The following IQSEC3 variants were observed in gnomAD, a reference collection of about 807,000 sequenced individuals.
The protein encoded by IQSEC3 is IQ motif and SEC7 domain-containing protein 3.
In IQSEC3, 50 loss-of-function variants were observed where a neutral mutation model predicts 105.4. That is an observed-to-expected ratio of 0.47 (90% CI 0.38 to 0.60). IQSEC3 has a LOEUF of 0.60. Ranked by LOEUF, IQSEC3 falls within the 20% of genes least tolerant of loss-of-function variation. IQSEC3 has a pLI of 0.00. For missense variants in IQSEC3, 1,415 were observed against 1,630.0 expected (o/e 0.87, Z 2.27); for synonymous variants, 708 against 746.0 (o/e 0.95, Z 0.83).
Position 138,876 on chromosome 12 carries a change from C to A in IQSEC3, c.1513C>A (p.Leu505Met). 6.2e-7 allele frequency: 1 copy of A among 1,611,868 alleles called. No homozygotes were observed. The highest frequency in any genetic ancestry group is 1.1e-5 in the South Asian group (1 of 90,672). The change falls in exon 4 of 14, where the codon CTG (leucine) becomes ATG (methionine). Residue 505 changes from leucine to methionine, a missense_variant. Around this residue, in one of 6 missense-constraint regions of IQSEC3, gnomAD observed 720 missense variants for 633.0 expected, o/e 1.14. Transcript: ENST00000538872. The surrounding 1 kb of genome is among the most constrained non-coding windows in gnomAD (Gnocchi z 7.1). The part of the protein sequence containing the change: ...QNISVSSSTA[L>M]SVANCLGAQT... ...CATATCCGTCTCCTCCTCCACGGCT[C>A]TGTCGGTGGCCAACTGCCTGGGCGC...
At chr12:73,306 C>T in intron 1 of IQSEC3, among the ~76,000 whole-genome samples, 1 of 152,348 alleles carries the variant, frequency 6.6e-6, no homozygotes, top group South Asian at 2.1e-4. Context: ...TGTTTTTCCA[C>T]TTATAAAATG....
chr12:139,672 G>A (rs1440612930), intron 4 of IQSEC3: 3 of 288,476 alleles, frequency 1.0e-5, no homozygotes, highest in African/African-American at 4.3e-5. Context: ...AGAAAAGACA[G>A]TATTAAGTAA....
intron 1 of IQSEC3, among the ~76,000 whole-genome samples, chr12:98,094 G>A (rs1229855421): frequency 1.3e-5 from 2 of 152,214 alleles, no homozygotes; most frequent in East Asian, 3.8e-4. Context: ...GATGATCTCT[G>A]GGGGCCCTTC....
intron 7 of IQSEC3, among the ~76,000 whole-genome samples, chr12:161,301 A>G (rs1258834686): frequency 2.0e-5 from 3 of 152,214 alleles, no homozygotes; most frequent in Non-Finnish European, 4.4e-5. Flanking sequence ...TCTTGTTGGC[A>G]TATTTCCTGC....
At position 163,580 on chromosome 12, in the gene IQSEC3, G is replaced by A. The variant is rs782121610; in HGVS notation, c.2670G>A (p.Ala890=). 38 of 1,592,276 alleles carry A rather than the reference G, an allele frequency of 2.4e-5. No individual in the cohort carries two copies. Among genetic ancestry groups the A allele is most frequent in the African/African-American group, 5.4e-5 (4 of 74,610 alleles). ...TGAACAAGCTGCAGAAGCAGGCAGC[G>A]CATCAGAGGGAGGTGTTCCTCTTCA... ...TDVNKLQKQA[A]HQREVFLFND... The change falls in exon 9 of 14, where the codon GCG becomes GCA. Residue 890 remains alanine, a synonymous_variant. Transcript: ENST00000538872.
chr12:143,528 T>C (rs1380153542), intron 5 of IQSEC3: 2 of 155,198 alleles, frequency 1.3e-5, no homozygotes, highest in Non-Finnish European at 2.9e-5. Flanking sequence ...GGGGCATGAT[T>C]TGTCATCCTG....
Position 125,647 on chromosome 12 carries a change from C to A in IQSEC3, c.638C>A (p.Thr213Asn). ...TCTGTTCACAGTGATGGCTCCTGCA[C>A]CCAGGCCGGTGGGGGCATGGAGGAC... is the stretch of plus-strand genomic sequence containing the variant. Reference protein sequence around the residue: ...DLASQSDGSCTQAGGGMEDSV... With the variant: ...DLASQSDGSCNQAGGGMEDSV... The change falls in exon 3 of 14, where the codon ACC becomes AAC. Residue 213 changes from threonine to asparagine, a missense_variant. This residue lies in a region of IQSEC3 where 720 missense variants were observed against 633.0 expected (regional missense o/e 1.14). Coordinates refer to ENST00000538872, the MANE Select transcript of IQSEC3 (RefSeq NM_001170738.2). The A allele has an allele frequency of 6.6e-7, 1 of 1,521,244 alleles. No homozygotes were observed. Among genetic ancestry groups the A allele is most frequent in the Non-Finnish European group, 8.7e-7 (1 of 1,146,608 alleles). The allele number at this position is 1,521,244 out of a possible 1,614,324, so 94.2% of individuals were successfully genotyped here. A position where few individuals can be genotyped will look rare whatever the true frequency, so the allele number is the denominator to read the frequency against.
chr12:166,931 A>G (rs1938683129), intron 11 of IQSEC3: 1 of 152,226 alleles, frequency 6.6e-6, no homozygotes, highest in South Asian at 2.1e-4. Flanking sequence ...CAGGTCGCGC[A>G]TGTTAGAAAC....
At chr12:157,454 C>A in intron 6 of IQSEC3, 74 bp from the exon 7 acceptor site, 1 of 1,487,298 alleles carries the variant, frequency 6.7e-7, no homozygotes, top group Admixed American at 2.0e-5. Flanking sequence ...CCCCTGGACA[C>A]CCCCTTCCTT....
intron 1 of IQSEC3, among the ~76,000 whole-genome samples, chr12:95,866 A>G (rs1026704771): frequency 6.6e-5 from 10 of 152,200 alleles, no homozygotes; most frequent in Non-Finnish European, 1.0e-4. Flanking sequence ...AGTTTATTCA[A>G]TCATTTCCTG....
chr12:76,946 CAG>C (rs751838622), intron 1 of IQSEC3, among the ~76,000 whole-genome samples: 4 of 152,258 alleles, frequency 2.6e-5, no homozygotes, highest in Non-Finnish European at 5.9e-5. Context: ...CCATCCCAGG[CAG>C]AGAGACAAGG....
chr12:73,833 C>T (rs1312377289), intron 1 of IQSEC3, among the ~76,000 whole-genome samples: 7 of 152,268 alleles, frequency 4.6e-5, no homozygotes, highest in East Asian at 3.8e-4. Flanking sequence ...TTTAGCCATT[C>T]CAGACACAGG....
chr12:169,058 C>T lies in IQSEC3; in HGVS notation c.3017C>T (p.Pro1006Leu). 1.2e-6 allele frequency: 2 copies of T among 1,614,088 alleles called. No individual in the cohort carries two copies. The highest frequency in any genetic ancestry group is 1.7e-6 in the Non-Finnish European group (2 of 1,180,030). The part of the protein sequence containing the change: ...QQGTKTLSFK[P>L]CGAQGDPQSK... ...GGAACAAAGACACTCTCCTTCAAGC[C>T]CTGCGGAGCCCAGGGGGACCCACAG... The change falls in exon 12 of 14, where the codon CCC (proline) becomes CTC (leucine). Residue 1006 changes from proline to leucine, a missense_variant. By Grantham distance (98) the Pro-to-Leu change is moderately conservative (BLOSUM62 -3). Around this residue, in one of 6 missense-constraint regions of IQSEC3, gnomAD observed 419 missense variants for 436.2 expected, o/e 0.96. Coordinates refer to ENST00000538872, the MANE Select transcript of IQSEC3 (RefSeq NM_001170738.2).
At chr12:151,374 T>TCCTCACTTC (rs1555092651) in intron 5 of IQSEC3, among the ~76,000 whole-genome samples, 1 of 152,196 alleles carries the variant, frequency 6.6e-6, no homozygotes, top group Non-Finnish European at 1.5e-5. Context: ...TGCCTCCCTT[T>TCCTCACTTC]CCTCACTTCC....
intron 1 of IQSEC3, among the ~76,000 whole-genome samples, chr12:68,821 A>G (rs1480082664): frequency 2.0e-5 from 3 of 152,264 alleles, no homozygotes; most frequent in Non-Finnish European, 4.4e-5. Context: ...AGGGTAGCTC[A>G]CAGAGCACGT....
chr12:147,686 G>A (rs1458733357), intron 5 of IQSEC3: 5 of 152,190 alleles, frequency 3.3e-5, no homozygotes, highest in African/African-American at 1.2e-4. Context: ...AGGCCCTGGG[G>A]AAAAGAAATG....
intron 3 of IQSEC3, among the ~76,000 whole-genome samples, chr12:131,206 C>T (rs1211283729): frequency 2.6e-5 from 4 of 152,214 alleles, no homozygotes; most frequent in Non-Finnish European, 4.4e-5. Context: ...GAGGCCCCCG[C>T]GCCCCTGCCG....
rs216232 is a variant in IQSEC3 at position 177,165 on chromosome 12, A to C, written c.*2132A>C. 7.9e-6 allele frequency: 1 copy of C among 126,544 alleles called. No homozygotes were observed. Among genetic ancestry groups the C allele is most frequent in the South Asian group, 2.6e-4 (1 of 3,874 alleles). 7.8% of individuals were successfully genotyped at this position (126,544 alleles called of 1,614,324 possible). A position where few individuals can be genotyped will look rare whatever the true frequency, so the allele number is the denominator to read the frequency against. ...GTCCCCTGCTCACACAGCTCTTCAA[A>C]CTTACCAAGGACAGGCAGGACCCCG... On this transcript the variant is annotated 3_prime_UTR_variant, in exon 14 of 14. Coordinates refer to ENST00000538872, the MANE Select transcript of IQSEC3 (RefSeq NM_001170738.2). This position sits in a 1 kb window ranked among gnomAD's most constrained non-coding sequence, Gnocchi z 5.3.
rs1191249307 is a variant in IQSEC3, at chr12:152,172, A to G, written c.2154-4853A>G. On this transcript the variant is annotated intron_variant, in intron 5 of 13. Coordinates refer to ENST00000538872, the MANE Select transcript of IQSEC3 (RefSeq NM_001170738.2). The surrounding 1 kb of genome is among the most constrained non-coding windows in gnomAD (Gnocchi z 4.8). ...CCAGCCACTGCCACAGGGCACAAAAAGCACCAGAAAGGGGAAGGCAGGAGG... is the reference window on the plus strand; with the variant it reads ...CCAGCCACTGCCACAGGGCACAAAAGGCACCAGAAAGGGGAAGGCAGGAGG... Among the ~76,000 whole-genome samples the G allele has an allele frequency of 6.6e-6, 1 of 152,164 alleles. No homozygotes were observed. The highest frequency in any genetic ancestry group is 1.5e-5 in the Non-Finnish European group (1 of 68,040).
Sources: gnomAD v4.1 joint callset for allele counts (sites outside exome capture counted in the v4.1 genomes callset) on GRCh38, gnomAD v4.1.1 for gene constraint, gnomAD v4.1.1 regional missense constraint, Gnocchi (gnomAD v3.1) non-coding constraint, MANE v1.5 for transcripts, NCBI Gene and HGNC (gene_info 2026-07-23, HGNC 2026-07-21) for gene names.